Variants in PHYKPL observed in about 807,000 individuals in gnomAD.
PHYKPL encodes 5-phosphonooxy-L-lysine phospho-lyase.
A neutral mutation model predicts 51.3 loss-of-function variants in PHYKPL; 42 were observed. That is an observed-to-expected ratio of 0.82 (90% CI 0.64 to 1.06). The LOEUF is 1.06. PHYKPL is among the 50% of genes least tolerant of loss of function. PHYKPL has a pLI of 0.00. For missense variants in PHYKPL, 655 were observed against 586.6 expected (o/e 1.12, Z -1.20); for synonymous variants, 264 against 236.0 (o/e 1.12, Z -1.09).
intron 7 of PHYKPL, 128 bp downstream of exon 7, chr5:178,222,724 C>T: frequency 7.4e-7 from 1 of 1,355,790 alleles, no homozygotes; most frequent in Non-Finnish European, 1.0e-6. Context: ...CTGGGCCATT[C>T]TTTCTTTAAG....
rs769721186 is a variant in PHYKPL, at chr5:178,231,414, C to T, written c.169G>A (p.Val57Met). The T allele has an allele frequency of 1.5e-5, 24 of 1,614,112 alleles. No individual in the cohort carries two copies. Among genetic ancestry groups the T allele is most frequent in the Middle Eastern group, 1.6e-4 (1 of 6,084 alleles). ...GAEYIDCISN[V>M]AHVGHCHPLV... ...GAGGTGTGATACTGACCGTGCGCCA[C>T]ATTGCTGATGCAATCGATGTATTCT... The change falls in exon 2 of 13, where the codon GTG (valine) becomes ATG (methionine). Residue 57 changes from valine (V) to methionine (M), a missense_variant. Coordinates refer to ENST00000308158, the MANE Select transcript of PHYKPL (RefSeq NM_153373.4).
At chr5:178,227,707 G>A (rs1281884851) in intron 3 of PHYKPL, among the ~76,000 whole-genome samples, 1 of 152,208 alleles carries the variant, frequency 6.6e-6, no homozygotes, top group East Asian at 1.9e-4. Context: ...GAGTTTTAAT[G>A]AGAAAAGGGA....
intron 12 of PHYKPL, chr5:178,209,237 C>T: frequency 1.0e-6 from 1 of 984,826 alleles, no homozygotes; most frequent in Non-Finnish European, 1.6e-6. Flanking sequence ...TGGACCTGAT[C>T]CACCATTTGA....
chr5:178,225,517 G>T, intron 3 of PHYKPL, 88 bp from the exon 4 acceptor site: 1 of 1,289,838 alleles, frequency 7.8e-7, no homozygotes, highest in Non-Finnish European at 1.1e-6. Context: ...CCTTCCAGCA[G>T]CAAGAAGATT....
chr5:178,222,673 C>T, intron 7 of PHYKPL, 93 bp from the exon 8 acceptor site: 1 of 1,432,364 alleles, frequency 7.0e-7, no homozygotes, highest in Non-Finnish European at 9.6e-7. Context: ...CCTGGCTCTG[C>T]CAGCAGTAAG....
intron 11 of PHYKPL, among the ~76,000 whole-genome samples, chr5:178,212,254 C>T (rs1223941698): frequency 6.6e-6 from 1 of 152,230 alleles, no homozygotes; most frequent in Non-Finnish European, 1.5e-5. Flanking sequence ...CTACCACTTC[C>T]AATTTGTGTC....
At chr5:178,231,767 G>A (rs1278072577) in intron 1 of PHYKPL, 4 of 1,478,160 alleles carry the variant, frequency 2.7e-6, no homozygotes, top group Non-Finnish European at 3.6e-6. Context: ...TTCAGCCTCT[G>A]TGGCCTCCTT....
chr5:178,222,314 CAGA>C lies in PHYKPL; in HGVS notation c.927+38_927+40del, dbSNP rs1272708669. On this transcript the variant is annotated intron_variant, in intron 8 of 12. Transcript: ENST00000308158. ...GACAGGCTGATCACCGGGGGCCTAT[CAGA>C]ACCCATGTTGCTCCCTTGACTTAGA... The C allele has an allele frequency of 3.2e-6, 5 of 1,557,254 alleles. No individual in the cohort carries two copies. The African/African-American group carries it at 6.8e-5, about 21-fold the overall frequency.
At chr5:178,210,415 A>G in intron 12 of PHYKPL, 1 of 1,536,840 alleles carries the variant, frequency 6.5e-7, no homozygotes, top group Admixed American at 1.9e-5. Context: ...TGAGCCTTAG[A>G]CTTCGGGGTC....
chr5:178,210,301 GCTCACCC>G, intron 12 of PHYKPL: 1 of 1,613,670 alleles, frequency 6.2e-7, no homozygotes, highest in African/African-American at 1.3e-5. Context: ...GGCCCCATCC[GCTCACCC>G]CTCGTCCCCA....
Position 178,231,768 on chromosome 5 carries a change from T to G in PHYKPL, c.60-245A>C, listed in dbSNP as rs992708883. On this transcript the variant is annotated intron_variant, in intron 1 of 12. Transcript: ENST00000308158. ...TTTCTGAAAGCATTTTCAGCCTCTG[T>G]GGCCTCCTTGCTCATTTCTGCATGT... 1.7e-5 allele frequency: 25 copies of G among 1,471,902 alleles called. No homozygotes were observed. The African/African-American group carries it at 3.1e-4, about 18-fold the overall frequency. The allele number at this position is 1,471,902 out of a possible 1,614,324, so 91.2% of individuals were successfully genotyped here.
chr5:178,215,559 T>G, intron 8 of PHYKPL, 129 bp from the exon 9 acceptor site: 1 of 1,140,742 alleles, frequency 8.8e-7, no homozygotes, highest in South Asian at 1.6e-5. Context: ...CCAAACCCCT[T>G]AGGGCGCACA....
chr5:178,220,738 C>CA (rs1165943655), intron 8 of PHYKPL, among the ~76,000 whole-genome samples: 4 of 137,636 alleles, frequency 2.9e-5, no homozygotes, highest in Non-Finnish European at 4.8e-5. Context: ...AAAAAAAAAA[C>CA]AAAAAAAACA....
Position 178,218,899 on chromosome 5 carries a change from A to G in PHYKPL, c.927+3456T>C, listed in dbSNP as rs187044034. On this transcript the variant is annotated intron_variant, in intron 8 of 12. Transcript: ENST00000308158. ...AGTAGGACCCAGTTACCAAAACCCA[A>G]GGTATAAGAAAAAAATTTGAGCCAA... 3.8e-4 allele frequency among the ~76,000 whole-genome samples: 58 copies of G among 152,290 alleles called. 1 individual carries two copies. Among genetic ancestry groups the G allele is most frequent in the African/African-American group, 1.1e-3 (46 of 41,556 alleles).
In PHYKPL at chr5:178,222,572, C is replaced by T. The variant is rs765616846; in HGVS notation, c.710G>A (p.Arg237His). ...GYFSQVAEHI[R>H]KAGGVFVADE... ...TGCAACAAAGACCCCTCCGGCCTTG[C>T]GGATGTGCCTGTGGCAGAGGAGATG... is the stretch of plus-strand genomic sequence containing the variant. Residue 237 changes from arginine (R) to histidine (H), a missense_variant, in exon 8 of 13, where the codon CGC becomes CAC. By Grantham distance (29) the Arg-to-His change is conservative. Transcript: ENST00000308158. The T allele has an allele frequency of 8.7e-6, 14 of 1,614,046 alleles. No individual in the cohort carries two copies. Among genetic ancestry groups the T allele is most frequent in the East Asian group, 6.7e-5 (3 of 44,880 alleles).
At chr5:178,223,826 C>A in intron 6 of PHYKPL, 1 of 249,096 alleles carries the variant, frequency 4.0e-6, no homozygotes, top group Non-Finnish European at 8.0e-6. Flanking sequence ...TCTGCGCCTC[C>A]ACTCCATCTC....
chr5:178,210,684 C>CA (rs1294251711), intron 12 of PHYKPL: 20 of 1,289,694 alleles, frequency 1.6e-5, no homozygotes, highest in Non-Finnish European at 2.3e-5. Context: ...GGAGTGAACA[C>CA]AATTATGTAC....
At chr5:178,209,440 A>T (rs1029779787) in intron 12 of PHYKPL, 2 of 1,613,254 alleles carry the variant, frequency 1.2e-6, no homozygotes, top group African/African-American at 2.7e-5. Context: ...GTGGTGGTGG[A>T]GGTGGAGGTG....
In PHYKPL at chr5:178,232,479, C is replaced by T. The variant is rs770789310; in HGVS notation, c.59+13G>A. 56 of 1,365,814 alleles carry T rather than the reference C, an allele frequency of 4.1e-5. 1 individual carries two copies. The highest frequency in any genetic ancestry group is 5.3e-4 in the Middle Eastern group (2 of 3,754). 84.6% of individuals were successfully genotyped at this position (1,365,814 alleles called of 1,614,324 possible). A position where few individuals can be genotyped will look rare whatever the true frequency, so the allele number is the denominator to read the frequency against. On this transcript the variant is annotated intron_variant, in intron 1 of 12. Coordinates refer to ENST00000308158, the MANE Select transcript of PHYKPL (RefSeq NM_153373.4). ...GCCCCGCGCCCCCCGCCGCCCGCCC[C>T]CCGCCCGGGTACCTGATGAGCCGTT...
Sources: allele counts gnomAD v4.1 joint callset (sites outside exome capture counted in the v4.1 genomes callset), GRCh38; gene constraint gnomAD v4.1.1; transcripts MANE v1.5; gene names NCBI Gene and HGNC (gene_info 2026-07-23, HGNC 2026-07-21).